Variants in SRD5A2 observed in about 807,000 individuals in gnomAD.
SRD5A2 encodes steroid 5 alpha-reductase 2.
In SRD5A2, 30 loss-of-function variants were observed where a neutral mutation model predicts 27.4. The observed-to-expected ratio is 1.10, with a 90% CI of 0.82 to 1.49. The LOEUF (loss-of-function observed/expected upper bound fraction) is 1.49. Among genes scored for constraint, SRD5A2 ranks in the 40% most tolerant of loss-of-function variants. The pLI is 0.00. For synonymous variants in SRD5A2, 141 were observed against 133.6 expected (o/e 1.06, Z -0.38); for missense variants, 348 against 323.4 (o/e 1.08, Z -0.58).
chr2:31,525,585 T>C lies in SRD5A2; in HGVS notation c.*611A>G, dbSNP rs931957697. 9 of 226,024 alleles carry C rather than the reference T, an allele frequency of 4.0e-5. No homozygotes were observed. The highest frequency in any genetic ancestry group is 8.9e-5 in the African/African-American group (4 of 44,870). 14.0% of individuals were successfully genotyped at this position (226,024 alleles called of 1,614,324 possible). A position where few individuals can be genotyped will look rare whatever the true frequency, so the allele number is the denominator to read the frequency against. On this transcript the variant is annotated 3_prime_UTR_variant, in exon 5 of 5. Coordinates refer to ENST00000622030, the MANE Select transcript of SRD5A2 (RefSeq NM_000348.4). ...ACTAAGACACTGCACAAATTTGAAA[T>C]GAGGTCAATGCATCAGTATCTTTTC...
chr2:31,652,430 T>C, the SRD5A2 span, among the ~76,000 whole-genome samples: 3 of 151,940 alleles, frequency 2.0e-5, no homozygotes, highest in Non-Finnish European at 4.4e-5. Context: ...TTTCCAGCTA[T>C]ATTTTTTCTA....
At chr2:31,591,733 T>C in the SRD5A2 span, among the ~76,000 whole-genome samples, 2 of 109,706 alleles carry the variant, frequency 1.8e-5, no homozygotes, top group South Asian at 3.8e-4. Context: ...GCGGCACATA[T>C]ACAACATGGA....
chr2:31,631,491 C>G, the SRD5A2 span, among the ~76,000 whole-genome samples: 199 of 152,130 alleles, frequency 1.3e-3, no homozygotes, highest in African/African-American at 4.4e-3. Context: ...ACGTTCCCCC[C>G]CAAGGCAAAA....
the SRD5A2 span, among the ~76,000 whole-genome samples, chr2:31,601,380 C>T: frequency 6.6e-6 from 1 of 151,920 alleles, no homozygotes. Context: ...GAAATTGAAT[C>T]CCTGAATAGA....
At chr2:31,586,828 C>T in the SRD5A2 span, among the ~76,000 whole-genome samples, 1 of 152,134 alleles carries the variant, frequency 6.6e-6, no homozygotes, top group African/African-American at 2.4e-5. Flanking sequence ...CACCAAAGAA[C>T]ATTTACAAGT....
At chr2:31,601,259 T>G in the SRD5A2 span, among the ~76,000 whole-genome samples, 1 of 151,452 alleles carries the variant, frequency 6.6e-6, no homozygotes, top group Non-Finnish European at 1.5e-5. Flanking sequence ...CCCACAGAAA[T>G]AAAAACAACC....
chr2:31,571,352 C>T (rs900312173), intron 1 of SRD5A2, among the ~76,000 whole-genome samples: 2 of 152,232 alleles, frequency 1.3e-5, no homozygotes, highest in East Asian at 1.9e-4. Context: ...TACCTTACAC[C>T]ACATACAAAA....
chr2:31,660,703 A>C, the SRD5A2 span, among the ~76,000 whole-genome samples: 1 of 152,138 alleles, frequency 6.6e-6, no homozygotes, highest in African/African-American at 2.4e-5. Context: ...AAATTAAGTA[A>C]AAAATATGCA....
At chr2:31,555,095 T>C (rs1346920095) in intron 1 of SRD5A2, among the ~76,000 whole-genome samples, 1 of 151,740 alleles carries the variant, frequency 6.6e-6, no homozygotes, top group Non-Finnish European at 1.5e-5. Context: ...GGTCTTCTGC[T>C]TCAAAATAAC....
rs34082006 is a variant in SRD5A2, at chr2:31,523,145, C to CT, written c.*3050dup. ...GATAAGGGGGTTTATGACCTGAAACCTTTTTTCCATGCTGAACACACATGT... is the reference window on the plus strand; with the variant it reads ...GATAAGGGGGTTTATGACCTGAAACCTTTTTTTCCATGCTGAACACACATGT... On this transcript the variant is annotated 3_prime_UTR_variant, in exon 5 of 5. Transcript: ENST00000622030. 3 of 216,062 alleles carry CT rather than the reference C, an allele frequency of 1.4e-5. No individual in the cohort carries two copies. The highest frequency in any genetic ancestry group is 6.8e-5 in the East Asian group (1 of 14,650). The allele number at this position is 216,062 out of a possible 1,614,324, so 13.4% of individuals were successfully genotyped here. A position where few individuals can be genotyped will look rare whatever the true frequency, so the allele number is the denominator to read the frequency against.
intron 1 of SRD5A2, among the ~76,000 whole-genome samples, chr2:31,575,188 T>C (rs1257204999): frequency 6.6e-6 from 1 of 152,336 alleles, no homozygotes; most frequent in East Asian, 1.9e-4. Flanking sequence ...TTAATTCTCA[T>C]TCTGATTCTC....
chr2:31,540,007 C>T (rs979802668), intron 1 of SRD5A2, among the ~76,000 whole-genome samples: 6 of 151,770 alleles, frequency 4.0e-5, no homozygotes, highest in African/African-American at 1.2e-4. Flanking sequence ...TCTAAATGTA[C>T]GAAGGGGGAA....
chr2:31,651,353 TA>T, the SRD5A2 span: 1 of 204,310 alleles, frequency 4.9e-6, no homozygotes. Context: ...TATTGTTGAG[TA>T]AAATGACTTA....
chr2:31,628,178 A>G, the SRD5A2 span, among the ~76,000 whole-genome samples: 3 of 152,154 alleles, frequency 2.0e-5, no homozygotes, highest in Non-Finnish European at 4.4e-5. Flanking sequence ...ATATATAGTT[A>G]GGATAGGTAG....
chr2:31,569,256 A>G (rs1234238236), intron 1 of SRD5A2, among the ~76,000 whole-genome samples: 1 of 152,256 alleles, frequency 6.6e-6, no homozygotes, highest in Non-Finnish European at 1.5e-5. Context: ...TATTTTTCTT[A>G]GAAAAATAAC....
At chr2:31,593,287 A>C in the SRD5A2 span, among the ~76,000 whole-genome samples, 66 of 152,306 alleles carry the variant, frequency 4.3e-4, no homozygotes, top group African/African-American at 1.6e-3. Flanking sequence ...AATTTTCAAA[A>C]AAATACAAAA....
In SRD5A2 at chr2:31,580,806, C is replaced by T; in HGVS notation, c.95G>A (p.Gly32Asp). The T allele has an allele frequency of 1.2e-6, 2 of 1,612,518 alleles. No individual in the cohort carries two copies. The highest frequency in any genetic ancestry group is 1.7e-6 in the Non-Finnish European group (2 of 1,179,702). The change falls in exon 1 of 5, where the codon GGC becomes GAC. Residue 32 changes from glycine (G) to aspartate (D), a missense_variant. Physicochemically the swap from Gly to Asp is moderately conservative, Grantham distance 94. Transcript: ENST00000622030. ...ALALYVAKPS[G>D]YGKHTESLKP... ...CAGGCTCTCCGTGTGCTTCCCGTAGCCGGAGGGCTTCGCGACGTACAAGGC... is the reference window on the plus strand; with the variant it reads ...CAGGCTCTCCGTGTGCTTCCCGTAGTCGGAGGGCTTCGCGACGTACAAGGC...
the SRD5A2 span, among the ~76,000 whole-genome samples, chr2:31,639,845 G>A: frequency 1.3e-5 from 2 of 151,882 alleles, no homozygotes; most frequent in African/African-American, 2.4e-5. Flanking sequence ...GGTTGAATCT[G>A]TTTAGTGTTC....
the SRD5A2 span, among the ~76,000 whole-genome samples, chr2:31,614,881 G>A: frequency 6.6e-6 from 1 of 152,066 alleles, no homozygotes; most frequent in African/African-American, 2.4e-5. Context: ...TTGTGGGAGG[G>A]ACCCACTGGG....
Sources: allele counts gnomAD v4.1 joint callset (sites outside exome capture counted in the v4.1 genomes callset), GRCh38; gene constraint gnomAD v4.1.1; transcripts MANE v1.5; gene names NCBI Gene and HGNC (gene_info 2026-07-23, HGNC 2026-07-21).